Variants in XPO1 observed in about 807,000 individuals in gnomAD.
XPO1 encodes exportin-1.
Under a neutral mutation model 133.3 loss-of-function variants are expected in XPO1, and 5 were observed. The ratio of observed to expected loss-of-function variants is 0.04; its 90% CI spans 0.02 to 0.08. The LOEUF is 0.08. Ranked by LOEUF, XPO1 falls within the 10% of genes least tolerant of loss-of-function variation. XPO1 has a pLI of 1.00. For missense variants in XPO1, 506 were observed against 1,267.5 expected, an observed-to-expected ratio of 0.40 and a Z score of 9.12; for synonymous variants, 419 against 408.2, an observed-to-expected ratio of 1.03 and a Z score of -0.32.
intron 9 of XPO1, among the ~76,000 whole-genome samples, chr2:61,497,220 T>G (rs1697281018): frequency 6.6e-6 from 1 of 152,102 alleles, no homozygotes; most frequent in Non-Finnish European, 1.5e-5. Flanking sequence ...AGGAGCAAAC[T>G]TTTTTTGTTT....
intron 6 of XPO1, among the ~76,000 whole-genome samples, chr2:61,501,385 G>C (rs1171325774): frequency 1.3e-5 from 2 of 152,058 alleles, no homozygotes; most frequent in Admixed American, 6.6e-5. Context: ...AGGACTCAGA[G>C]ACATACATGC....
chr2:61,486,489 C>T (rs1435968564), intron 19 of XPO1, among the ~76,000 whole-genome samples: 3 of 152,138 alleles, frequency 2.0e-5, no homozygotes, highest in African/African-American at 7.2e-5. Context: ...CGGAGTCTTG[C>T]TCTGTCGCCC....
chr2:61,487,200 A>T (rs1273386582), intron 19 of XPO1, among the ~76,000 whole-genome samples: 1 of 152,038 alleles, frequency 6.6e-6, no homozygotes, highest in Non-Finnish European at 1.5e-5. Context: ...AAATAAACAC[A>T]ATGTTTCATG....
chr2:61,517,932 G>A (rs1047846248), intron 4 of XPO1, among the ~76,000 whole-genome samples: 4 of 152,068 alleles, frequency 2.6e-5, no homozygotes, highest in African/African-American at 9.7e-5. Flanking sequence ...TTCGAGACCA[G>A]CCTGGTCAAC....
chr2:61,506,900 T>C (rs1315080591), intron 4 of XPO1, among the ~76,000 whole-genome samples: 2 of 152,020 alleles, frequency 1.3e-5, no homozygotes, highest in Non-Finnish European at 2.9e-5. Context: ...TCCTTTAAAC[T>C]GGCTTTCTAA....
chr2:61,512,785 A>G (rs1289996853), intron 4 of XPO1, among the ~76,000 whole-genome samples: 1 of 152,192 alleles, frequency 6.6e-6, no homozygotes, highest in African/African-American at 2.4e-5. Flanking sequence ...GCTCACACAT[A>G]ATCCCAGCAC....
intron 22 of XPO1, 187 bp downstream of exon 22, chr2:61,482,770 A>G: frequency 7.6e-6 from 6 of 785,586 alleles, no homozygotes; most frequent in Non-Finnish European, 1.2e-5. Context: ...CATGCCCAGT[A>G]TTTTTATTGT....
rs2104351951 is a variant in XPO1 at position 61,485,884 on chromosome 2, G to C, written c.2392C>G (p.Pro798Ala). ...ATGGCCATAGTACTAAGCACTTCTG[G>C]TTCTCTAGCAGCTGGGACATTTCTC... ...YQRNVPAARE[P>A]EVLSTMAIIV... is the part of the protein sequence containing the mutation. Residue 798 changes from proline to alanine, a missense_variant, in exon 20 of 25, where the codon CCA becomes GCA. This residue lies in a region of XPO1 where 203 missense variants were observed against 365.9 expected (regional missense o/e 0.55). Transcript: ENST00000401558. 3 of 1,614,000 alleles carry C rather than the reference G, an allele frequency of 1.9e-6. No homozygotes were observed. The highest frequency in any genetic ancestry group is 2.5e-6 in the Non-Finnish European group (3 of 1,179,960).
chr2:61,493,846 A>T (rs746868394), intron 12 of XPO1, 48 bp downstream of exon 12: 1 of 1,597,642 alleles, frequency 6.3e-7, no homozygotes, highest in Non-Finnish European at 8.6e-7. Flanking sequence ...TCAGACCTCA[A>T]AACCACAGTA....
chr2:61,497,356 T>C (rs1406799793), intron 9 of XPO1, among the ~76,000 whole-genome samples: 4 of 152,116 alleles, frequency 2.6e-5, no homozygotes, highest in East Asian at 1.9e-4. Flanking sequence ...GGACTACACA[T>C]GCATGCCACC....
At chr2:61,499,565 C>CTAT (rs2104503123) in intron 7 of XPO1, 148 bp downstream of exon 7, 1 of 732,164 alleles carries the variant, frequency 1.4e-6, no homozygotes, top group Non-Finnish European at 2.1e-6. Context: ...CCGTCTAGGA[C>CTAT]TATTTCTTAA....
At chr2:61,490,442 G>A (rs568839388) in intron 17 of XPO1, among the ~76,000 whole-genome samples, 200 bp downstream of exon 17, 34 of 150,780 alleles carry the variant, frequency 2.3e-4, no homozygotes, top group Admixed American at 1.5e-3. Context: ...CAGGTGATCC[G>A]CCCGCCTCGG....
intron 6 of XPO1, 99 bp from the exon 7 acceptor site, chr2:61,499,993 A>G (rs1697422524): frequency 8.4e-7 from 1 of 1,190,026 alleles, no homozygotes; most frequent in Non-Finnish European, 1.2e-6. Context: ...AGGAGTAAGG[A>G]TAAATCACTT....
At chr2:61,484,390 T>C (rs560908778) in intron 20 of XPO1, 2 of 298,986 alleles carry the variant, frequency 6.7e-6, no homozygotes, top group Non-Finnish European at 1.2e-5. Context: ...TACTATCACT[T>C]TTGTTTTTAA....
intron 4 of XPO1, among the ~76,000 whole-genome samples, chr2:61,516,131 T>TA (rs111496457): frequency 0.026 from 2,803 of 107,946 alleles, 85 homozygotes; most frequent in African/African-American, 0.075. Flanking sequence ...GTCGCAAAAT[T>TA]AAAAAAAAAC....
At position 61,533,915 on chromosome 2, in the gene XPO1, GA is replaced by G. The variant is rs757347717; in HGVS notation, c.-6-13del. ...GCTGGCATAGATTACTGAAAATAAA[GA>G]AAAAAAATTGAAGCTGCCTATCAAG... is the stretch of plus-strand genomic sequence containing the variant. On this transcript the variant is annotated splice_polypyrimidine_tract_variant and intron_variant, in intron 1 of 24. Coordinates refer to ENST00000401558, the MANE Select transcript of XPO1 (RefSeq NM_003400.4). 2.4e-5 allele frequency: 36 copies of G among 1,503,476 alleles called. No homozygotes were observed. The highest frequency in any genetic ancestry group is 1.8e-4 in the Middle Eastern group (1 of 5,660). 93.1% of individuals were successfully genotyped at this position (1,503,476 alleles called of 1,614,324 possible).
intron 9 of XPO1, among the ~76,000 whole-genome samples, chr2:61,498,041 T>C (rs561204103): frequency 6.6e-6 from 1 of 152,330 alleles, no homozygotes; most frequent in East Asian, 1.9e-4. Context: ...CAAGAAAACA[T>C]CTGAAAATAT....
chr2:61,522,095 G>A (rs1464367932), intron 4 of XPO1, among the ~76,000 whole-genome samples: 1 of 151,382 alleles, frequency 6.6e-6, no homozygotes, highest in Non-Finnish European at 1.5e-5. Flanking sequence ...TGGAGATGGG[G>A]TCTCACTCTT....
intron 4 of XPO1, among the ~76,000 whole-genome samples, chr2:61,521,616 T>C (rs1698692535): frequency 6.6e-6 from 1 of 152,172 alleles, no homozygotes; most frequent in East Asian, 1.9e-4. Context: ...CACTACACCT[T>C]CATTTTCTGA....
Sources: gnomAD v4.1 joint callset for allele counts (sites outside exome capture counted in the v4.1 genomes callset) on GRCh38, gnomAD v4.1.1 for gene constraint, gnomAD v4.1.1 regional missense constraint, MANE v1.5 for transcripts, NCBI Gene and HGNC (gene_info 2026-07-23, HGNC 2026-07-21) for gene names.